The following GRM1 variants were observed in gnomAD, a reference collection of about 807,000 sequenced individuals.
GRM1 encodes glutamate metabotropic receptor 1, also known as metabotropic glutamate receptor 1.
In GRM1, 33 loss-of-function variants were observed where a neutral mutation model predicts 90.9. The observed-to-expected ratio is 0.36, with a 90% confidence interval of 0.28 to 0.49. GRM1 has a LOEUF of 0.49. GRM1 is among the 20% of genes least tolerant of loss of function. The pLI, the probability that GRM1 is intolerant of heterozygous loss-of-function variation, is 0.99. For missense variants in GRM1, 1,190 were observed against 1,534.3 expected, an observed-to-expected ratio of 0.78 and a Z score of 3.75; for synonymous variants, 700 against 613.2, an observed-to-expected ratio of 1.14 and a Z score of -2.09.
chr6:146,029,682 C>T lies in GRM1; in HGVS notation c.165C>T (p.His55=). The change falls in exon 1 of 8, where the codon CAC becomes CAT. Residue 55 remains histidine (H), a synonymous_variant. Coordinates refer to ENST00000282753, the MANE Select transcript of GRM1 (RefSeq NM_001278064.2). ...VIIGALFSVH[H]QPPAEKVPER... is the part of the protein sequence containing the mutation. ...TTGGAGCCCTCTTCTCAGTCCATCA[C>T]CAGCCTCCGGCCGAGAAAGTGCCCG... The T allele has an allele frequency of 6.2e-7, 1 of 1,614,154 alleles. No homozygotes were observed. The highest frequency in any genetic ancestry group is 8.5e-7 in the Non-Finnish European group (1 of 1,180,036).
intron 2 of GRM1, among the ~76,000 whole-genome samples, chr6:146,244,254 G>A (rs1780973590): frequency 6.6e-6 from 1 of 152,192 alleles, no homozygotes; most frequent in African/African-American, 2.4e-5. Context: ...ATTGATTAGG[G>A]AAGTGATAAA....
At chr6:146,188,379 C>G (rs1423589462) in intron 2 of GRM1, among the ~76,000 whole-genome samples, 1 of 152,142 alleles carries the variant, frequency 6.6e-6, no homozygotes, top group Admixed American at 6.5e-5. Flanking sequence ...CAGGATCCTT[C>G]ACAGATGTTA....
intron 1 of GRM1, among the ~76,000 whole-genome samples, chr6:146,093,385 A>G (rs918430783): frequency 1.3e-5 from 2 of 152,066 alleles, no homozygotes; most frequent in Non-Finnish European, 2.9e-5. Context: ...GATGATTCTC[A>G]GAATATTGGT....
intron 1 of GRM1, among the ~76,000 whole-genome samples, chr6:146,142,355 G>A (rs115367562): frequency 1.3e-5 from 2 of 152,310 alleles, no homozygotes; most frequent in African/African-American, 4.8e-5. Context: ...GGTCAGACCT[G>A]AAGCTAGCAC....
intron 3 of GRM1, among the ~76,000 whole-genome samples, chr6:146,315,565 G>T (rs1038417611): frequency 6.6e-6 from 1 of 152,100 alleles, no homozygotes; most frequent in East Asian, 1.9e-4. Flanking sequence ...TAGTTCTCAA[G>T]CATGGCTTAT....
chr6:146,390,975 G>T (rs2114545086), intron 6 of GRM1, among the ~76,000 whole-genome samples: 1 of 152,166 alleles, frequency 6.6e-6, no homozygotes, highest in South Asian at 2.1e-4. Context: ...GAATTTCATT[G>T]AATTGTAATA....
At chr6:146,255,415 T>C (rs1781442901) in intron 2 of GRM1, among the ~76,000 whole-genome samples, 1 of 152,152 alleles carries the variant, frequency 6.6e-6, no homozygotes, top group Admixed American at 6.6e-5. Context: ...TTTTTAATGA[T>C]CCCCTATCCC....
At chr6:146,230,908 A>T (rs916642240) in intron 2 of GRM1, among the ~76,000 whole-genome samples, 3 of 152,170 alleles carry the variant, frequency 2.0e-5, no homozygotes, top group Non-Finnish European at 4.4e-5. Flanking sequence ...GTCAATCTGA[A>T]AAAACTACAT....
At chr6:146,057,646 T>C (rs576539700) in intron 1 of GRM1, among the ~76,000 whole-genome samples, 46 of 152,248 alleles carry the variant, frequency 3.0e-4, no homozygotes, top group South Asian at 6.2e-4. Context: ...TGTTGAATCC[T>C]AAAGAATTGC....
chr6:146,362,899 C>T, intron 5 of GRM1, among the ~76,000 whole-genome samples: 1 of 152,010 alleles, frequency 6.6e-6, no homozygotes, highest in Non-Finnish European at 1.5e-5. Flanking sequence ...GCAAAGGGAA[C>T]ATGATCATTC....
intron 3 of GRM1, among the ~76,000 whole-genome samples, chr6:146,328,954 C>T (rs1338362648): frequency 3.9e-5 from 6 of 152,158 alleles, no homozygotes; most frequent in South Asian, 2.1e-4. Flanking sequence ...ATGCCAGTGG[C>T]GTGGGGCAGC....
rs533468934 is a variant in GRM1, at chr6:146,350,483, T to C, written c.1187-1767T>C. ...CAATTTTTGTGTTTTTTTTTTTCTT[T>C]AACTCTTGGTAATTTCTATGATTCT... On this transcript the variant is annotated intron_variant, in intron 3 of 7. Coordinates refer to ENST00000282753, the MANE Select transcript of GRM1 (RefSeq NM_001278064.2). 6.6e-5 allele frequency among the ~76,000 whole-genome samples: 10 copies of C among 151,970 alleles called. No homozygotes were observed. The East Asian group carries it at 9.7e-4, about 15-fold the overall frequency.
chr6:146,297,525 G>T (rs1174538613), intron 2 of GRM1, among the ~76,000 whole-genome samples: 3 of 152,034 alleles, frequency 2.0e-5, no homozygotes, highest in African/African-American at 7.2e-5. Context: ...GGATACTTTG[G>T]ATACTTAGGA....
intron 2 of GRM1, among the ~76,000 whole-genome samples, chr6:146,175,185 T>C (rs1305100558): frequency 6.6e-6 from 1 of 152,196 alleles, no homozygotes; most frequent in African/African-American, 2.4e-5. Context: ...CCTATTATGG[T>C]GGTAGAAACA....
intron 5 of GRM1, among the ~76,000 whole-genome samples, chr6:146,362,893 AG>A (rs777050117): frequency 4.6e-5 from 7 of 152,104 alleles, no homozygotes; most frequent in Non-Finnish European, 8.8e-5. Flanking sequence ...ATCAAAGCAA[AG>A]GGAACATGAT....
chr6:146,192,386 G>T (rs1046769553), intron 2 of GRM1, among the ~76,000 whole-genome samples: 1 of 152,124 alleles, frequency 6.6e-6, no homozygotes, highest in Admixed American at 6.6e-5. Flanking sequence ...ACACAGCTGG[G>T]TCAGAATTCT....
chr6:146,426,637 T>C lies in GRM1; in HGVS notation c.2661-7235T>C, dbSNP rs374009947. On this transcript the variant is annotated intron_variant, in intron 7 of 7. Coordinates refer to ENST00000282753, the MANE Select transcript of GRM1 (RefSeq NM_001278064.2). The stretch of plus-strand genomic sequence containing the variant: ...AGCTTTGAAAACCCCCACACTGCAG[T>C]GAATGTGTAAGAGAAGCTGCATGGA... 2.2e-6 allele frequency: 3 copies of C among 1,384,604 alleles called. No individual in the cohort carries two copies. The African/African-American group carries it at 4.2e-5, about 20-fold the overall frequency. 85.8% of individuals were successfully genotyped at this position (1,384,604 alleles called of 1,614,324 possible).
rs182496149 is a variant in GRM1 at position 146,254,599 on chromosome 6, G to C, written c.951-50012G>C. Among the ~76,000 whole-genome samples the C allele has an allele frequency of 4.6e-5, 7 of 152,200 alleles. No individual in the cohort carries two copies. The East Asian group carries it at 1.3e-3, about 29-fold the overall frequency. ...TTTGTATTTCTTTATAACCAAGAAA[G>C]ATGTTTCTTTTCTTACCAAGCTTAT... is the stretch of plus-strand genomic sequence containing the variant. On this transcript the variant is annotated intron_variant, in intron 2 of 7. Coordinates refer to ENST00000282753, the MANE Select transcript of GRM1 (RefSeq NM_001278064.2).
At chr6:146,080,725 A>T (rs532073752) in intron 1 of GRM1, among the ~76,000 whole-genome samples, 25 of 152,278 alleles carry the variant, frequency 1.6e-4, no homozygotes, top group Middle Eastern at 6.8e-3. Context: ...GAGGAAATGC[A>T]CGTAGCAAGA....
Sources: gnomAD v4.1 joint callset for allele counts (sites outside exome capture counted in the v4.1 genomes callset) on GRCh38, gnomAD v4.1.1 for gene constraint, MANE v1.5 for transcripts, NCBI Gene and HGNC (gene_info 2026-07-23, HGNC 2026-07-21) for gene names.